The following VSTM2B variants were observed in gnomAD, a reference collection of about 807,000 sequenced individuals.
The protein encoded by VSTM2B is V-set and transmembrane domain containing 2B.
VSTM2B carries 24 observed loss-of-function variants against 24.0 expected under a neutral mutation model. That is an observed-to-expected ratio of 1.00 (90% CI 0.72 to 1.40). VSTM2B has a LOEUF of 1.40. VSTM2B is among the 40% of genes most tolerant of loss of function. The pLI is 0.00. For synonymous variants in VSTM2B, 226 were observed against 194.4 expected (o/e 1.16, Z -1.35); for missense variants, 399 against 416.4 (o/e 0.96, Z 0.36).
intron 4 of VSTM2B, among the ~76,000 whole-genome samples, chr19:29,537,652 A>T (rs1470476965): frequency 2.0e-5 from 3 of 147,256 alleles, no homozygotes; most frequent in African/African-American, 7.7e-5. Context: ...GCATGAAATA[A>T]GGAGCCAAAG....
At chr19:29,546,670 G>GCCCCCCCCCCC (rs201235419) in intron 4 of VSTM2B, among the ~76,000 whole-genome samples, 3 of 150,318 alleles carry the variant, frequency 2.0e-5, no homozygotes, top group African/African-American at 4.9e-5. Context: ...CCGCTGGGGA[G>GCCCCCCCCCCC]CCCCCACCCC....
chr19:29,552,583 C>A (rs1970311516), intron 4 of VSTM2B, among the ~76,000 whole-genome samples: 1 of 152,214 alleles, frequency 6.6e-6, no homozygotes, highest in African/African-American at 2.4e-5. Context: ...AGGGGATCTC[C>A]CTCATGAGCC....
chr19:29,541,632 T>G (rs1970020056), intron 4 of VSTM2B, among the ~76,000 whole-genome samples: 1 of 151,430 alleles, frequency 6.6e-6, no homozygotes, highest in African/African-American at 2.4e-5. Flanking sequence ...GGACAGAAAA[T>G]GAGTGGATGG....
chr19:29,553,924 TA>T (rs2145506452), intron 4 of VSTM2B, among the ~76,000 whole-genome samples: 1 of 152,298 alleles, frequency 6.6e-6, no homozygotes, highest in East Asian at 1.9e-4. Flanking sequence ...TGGGATTATG[TA>T]GAAAGACCAA....
intron 4 of VSTM2B, among the ~76,000 whole-genome samples, chr19:29,532,599 A>C (rs1429306004): frequency 6.6e-6 from 1 of 152,200 alleles, no homozygotes; most frequent in Non-Finnish European, 1.5e-5. Flanking sequence ...TTGTGCTTCC[A>C]CCACTTACTG....
intron 4 of VSTM2B, among the ~76,000 whole-genome samples, chr19:29,558,872 AT>A (rs989937808): frequency 6.6e-6 from 1 of 152,206 alleles, no homozygotes; most frequent in African/African-American, 2.4e-5. Context: ...TGAAATAAAA[AT>A]TTTTTTAAAA....
At chr19:29,534,814 TC>T (rs36090197) in intron 4 of VSTM2B, among the ~76,000 whole-genome samples, 9 of 151,862 alleles carry the variant, frequency 5.9e-5, no homozygotes, top group Non-Finnish European at 1.0e-4. Flanking sequence ...CCAGTACATC[TC>T]CCCAAATAGT....
At chr19:29,547,810 C>G (rs369292437) in intron 4 of VSTM2B, among the ~76,000 whole-genome samples, 4 of 152,008 alleles carry the variant, frequency 2.6e-5, no homozygotes, top group African/African-American at 7.3e-5. Context: ...GGGGGCTAGT[C>G]GTTCTGCGGG....
chr19:29,537,046 G>A (rs1316076742), intron 4 of VSTM2B, among the ~76,000 whole-genome samples: 1 of 152,284 alleles, frequency 6.6e-6, no homozygotes, highest in East Asian at 1.9e-4. Flanking sequence ...ATGCTTAGCT[G>A]ACTATCACCA....
In VSTM2B at chr19:29,530,190, G is replaced by A. The variant is rs1348486855; in HGVS notation, c.669G>A (p.Ala223=). 1 of 1,491,230 alleles carries A rather than the reference G, an allele frequency of 6.7e-7. No individual in the cohort carries two copies. Among genetic ancestry groups the A allele is most frequent in the Non-Finnish European group, 8.9e-7 (1 of 1,127,860 alleles). The allele number at this position is 1,491,230 out of a possible 1,614,324, so 92.4% of individuals were successfully genotyped here. Residue 223 remains alanine, a synonymous_variant, in exon 4 of 5, where the codon GCG becomes GCA. Coordinates refer to ENST00000335523, the MANE Select transcript of VSTM2B (RefSeq NM_001146339.2). ...PAVPEAAAAS[A]AHTPTTTVAA... ...TCCCCGAGGCCGCGGCAGCCTCGGC[G>A]GCCCACACGCCCACCACCACAGTCG...
rs373724608 is a variant in VSTM2B, at chr19:29,552,710, G to A, written c.770-11136G>A. The stretch of plus-strand genomic sequence containing the variant: ...CTGAGGCTGCCTGCTGCCTAAGATG[G>A]CTAAGCTCCCAGGGGGAAGGGCAGC... On this transcript the variant is annotated intron_variant, in intron 4 of 4. Coordinates refer to ENST00000335523, the MANE Select transcript of VSTM2B (RefSeq NM_001146339.2). Among the ~76,000 whole-genome samples, 220 of 152,336 alleles carry A rather than the reference G, an allele frequency of 1.4e-3. 1 individual carries two copies. Among genetic ancestry groups the A allele is most frequent in the East Asian group, 6.6e-3 (34 of 5,178 alleles).
intron 2 of VSTM2B, 130 bp from the exon 3 acceptor site, chr19:29,528,303 A>C (rs1355538664): frequency 3.4e-6 from 4 of 1,160,332 alleles, no homozygotes; most frequent in Non-Finnish European, 5.0e-6. Context: ...TTGTGCCCTC[A>C]ACCCCCATCC....
At chr19:29,563,450 C>T (rs1290133083) in intron 4 of VSTM2B, among the ~76,000 whole-genome samples, 2 of 151,830 alleles carry the variant, frequency 1.3e-5, no homozygotes. Context: ...ACTATGTTGC[C>T]CAGGCTGGTC....
At chr19:29,553,326 G>A (rs1970329041) in intron 4 of VSTM2B, among the ~76,000 whole-genome samples, 1 of 152,222 alleles carries the variant, frequency 6.6e-6, no homozygotes, top group African/African-American at 2.4e-5. Context: ...AGGGTCTGGA[G>A]TGGACCCCCA....
intron 4 of VSTM2B, among the ~76,000 whole-genome samples, chr19:29,542,420 T>A (rs544535603): frequency 6.6e-6 from 1 of 150,690 alleles, no homozygotes; most frequent in Non-Finnish European, 1.5e-5. Context: ...AATGGATGGA[T>A]AGAAGAATGA....
Position 29,530,086 on chromosome 19 carries a change from A to T in VSTM2B, c.565A>T (p.Ser189Cys). The T allele has an allele frequency of 6.7e-7, 1 of 1,496,168 alleles. No homozygotes were observed. The allele number at this position is 1,496,168 out of a possible 1,614,324, so 92.7% of individuals were successfully genotyped here. ...CAACGCCAACAACGCGGGCGCCGCGAGCCGTACCACCTCCGAGCCCGGCCG... is the reference window on the plus strand; with the variant it reads ...CAACGCCAACAACGCGGGCGCCGCGTGCCGTACCACCTCCGAGCCCGGCCG... ...AANANNAGAA[S>C]RTTSEPGRGD... Residue 189 changes from serine to cysteine, a missense_variant, in exon 4 of 5, where the codon AGC (serine) becomes TGC (cysteine). Physicochemically the swap from Ser to Cys is moderately radical, Grantham distance 112 (BLOSUM62 -1). Coordinates refer to ENST00000335523, the MANE Select transcript of VSTM2B (RefSeq NM_001146339.2).
intron 4 of VSTM2B, among the ~76,000 whole-genome samples, chr19:29,545,662 G>T (rs144658491): frequency 0.01 from 1,598 of 152,258 alleles, 13 homozygotes; most frequent in Middle Eastern, 0.054. Flanking sequence ...GACATGGTTT[G>T]GTTCTTTTTT....
intron 4 of VSTM2B, among the ~76,000 whole-genome samples, chr19:29,560,318 G>A (rs1970497062): frequency 6.6e-6 from 1 of 152,164 alleles, no homozygotes; most frequent in South Asian, 2.1e-4. Context: ...CCCCTGCCCA[G>A]TGAGACATGC....
At chr19:29,527,615 C>G (rs1192820685) in intron 2 of VSTM2B, among the ~76,000 whole-genome samples, 1 of 152,256 alleles carries the variant, frequency 6.6e-6, no homozygotes, top group Non-Finnish European at 1.5e-5. Flanking sequence ...CACCACCTCC[C>G]AGAACTCCAT....
Sources: gnomAD v4.1 joint callset for allele counts (sites outside exome capture counted in the v4.1 genomes callset) on GRCh38, gnomAD v4.1.1 for gene constraint, MANE v1.5 for transcripts, NCBI Gene and HGNC (gene_info 2026-07-23, HGNC 2026-07-21) for gene names.